MGRN1: variants seen among roughly 807,000 people sequenced by gnomAD.
MGRN1 encodes mahogunin ring finger 1, also known as E3 ubiquitin-protein ligase MGRN1.
In MGRN1, 29 loss-of-function variants were observed where a neutral mutation model predicts 69.2. The ratio of observed to expected loss-of-function variants is 0.42; its 90% CI spans 0.31 to 0.57. MGRN1 has a LOEUF of 0.57. Ranked by LOEUF, MGRN1 falls within the 20% of genes least tolerant of loss-of-function variation. The pLI, the probability that MGRN1 is intolerant of heterozygous loss-of-function variation, is 0.15. For synonymous variants in MGRN1, 470 were observed against 344.2 expected (o/e 1.37, Z -4.04); for missense variants, 998 against 796.2 (o/e 1.25, Z -3.05).
At chr16:4,634,290 C>G (rs1898164297) in intron 1 of MGRN1, 1 of 152,666 alleles carries the variant, frequency 6.6e-6, no homozygotes, top group South Asian at 2.1e-4. Context: ...CTCGCCCAGC[C>G]CAGCCCAGCT....
intron 1 of MGRN1, among the ~76,000 whole-genome samples, chr16:4,639,528 A>G (rs1198565937): frequency 6.6e-6 from 1 of 152,208 alleles, no homozygotes; most frequent in Admixed American, 6.5e-5. Context: ...TGGGCTACCT[A>G]GGATGGAACA....
intron 5 of MGRN1, among the ~76,000 whole-genome samples, chr16:4,659,578 C>A (rs535716327): frequency 1.2e-4 from 18 of 152,346 alleles, no homozygotes; most frequent in African/African-American, 4.3e-4. Context: ...ACTGGACCCG[C>A]CAGGGGGCCT....
intron 1 of MGRN1, among the ~76,000 whole-genome samples, chr16:4,641,308 C>T (rs968708037): frequency 3.2e-4 from 48 of 152,184 alleles, no homozygotes; most frequent in African/African-American, 1.1e-3. Context: ...CGTGTTTCTT[C>T]TCCATGTGTG....
At chr16:4,676,154 T>C (rs532385958) in intron 10 of MGRN1, among the ~76,000 whole-genome samples, 21 of 152,224 alleles carry the variant, frequency 1.4e-4, no homozygotes, top group African/African-American at 4.8e-4. Flanking sequence ...CAGGAGTAAG[T>C]GAAGAGGCTG....
intron 10 of MGRN1, among the ~76,000 whole-genome samples, chr16:4,674,716 C>T (rs1043665219): frequency 6.6e-5 from 9 of 136,816 alleles, no homozygotes; most frequent in Non-Finnish European, 1.4e-4. Flanking sequence ...TCTCGGCTCA[C>T]TGCAAGCTCC....
At chr16:4,654,980 A>G (rs2078499221) in intron 4 of MGRN1, among the ~76,000 whole-genome samples, 1 of 152,194 alleles carries the variant, frequency 6.6e-6, no homozygotes, top group Non-Finnish European at 1.5e-5. Context: ...TAATGACACT[A>G]GTAATGCATG....
intron 13 of MGRN1, among the ~76,000 whole-genome samples, 179 bp downstream of exon 13, chr16:4,681,955 G>C (rs776243922): frequency 6.6e-5 from 10 of 152,272 alleles, no homozygotes; most frequent in African/African-American, 1.7e-4. Context: ...AAAGAACGCA[G>C]CAGACGAGGC....
chr16:4,641,944 C>G (rs921570495), intron 1 of MGRN1, among the ~76,000 whole-genome samples: 1 of 152,040 alleles, frequency 6.6e-6, no homozygotes, highest in East Asian at 1.9e-4. Flanking sequence ...CGTGAGCCCC[C>G]TCGGCTGGCC....
chr16:4,682,670 C>T (rs1299303196), intron 13 of MGRN1, among the ~76,000 whole-genome samples, 153 bp from the exon 14 acceptor site: 1 of 152,216 alleles, frequency 6.6e-6, no homozygotes, highest in Non-Finnish European at 1.5e-5. Flanking sequence ...GGGTTGGTCC[C>T]GGTGGCTGGT....
At chr16:4,664,965 C>A (rs987113941) in intron 6 of MGRN1, 137 bp from the exon 7 acceptor site, 1 of 1,190,248 alleles carries the variant, frequency 8.4e-7, no homozygotes, top group Non-Finnish European at 1.2e-6. Flanking sequence ...AGGGCAGGTC[C>A]CAGAACAGGC....
chr16:4,653,438 C>T (rs954217439), intron 4 of MGRN1, among the ~76,000 whole-genome samples: 14 of 152,312 alleles, frequency 9.2e-5, no homozygotes, highest in Admixed American at 9.2e-4. Flanking sequence ...CCTGTCCCCT[C>T]CCTGGAGGAT....
chr16:4,668,785 C>G (rs375042695), intron 8 of MGRN1, among the ~76,000 whole-genome samples: 2 of 151,698 alleles, frequency 1.3e-5, no homozygotes, highest in African/African-American at 4.9e-5. Context: ...GACATTCATA[C>G]ACATATACAC....
At chr16:4,682,787 C>T (rs188985566) in intron 13 of MGRN1, 36 bp from the exon 14 acceptor site, 10 of 1,497,564 alleles carry the variant, frequency 6.7e-6, no homozygotes, top group East Asian at 4.8e-5. Context: ...TTGTCGTTAT[C>T]CTCTCACCCC....
At position 4,646,586 on chromosome 16, in the gene MGRN1, C is replaced by G. The variant is rs1481519630; in HGVS notation, c.89-3779C>G. 2.0e-5 allele frequency among the ~76,000 whole-genome samples: 3 copies of G among 152,128 alleles called. No individual in the cohort carries two copies. The South Asian group carries it at 6.2e-4, about 32-fold the overall frequency. On this transcript the variant is annotated intron_variant, in intron 1 of 16. Transcript: ENST00000262370. The stretch of plus-strand genomic sequence containing the variant: ...CTCCATGGGGCTGCTTGGGTGTCCT[C>G]ACAGCATGGTGGCAGCTTCCCCCAG...
At chr16:4,655,177 G>T (rs1372222037) in intron 4 of MGRN1, among the ~76,000 whole-genome samples, 1 of 152,162 alleles carries the variant, frequency 6.6e-6, no homozygotes, top group Non-Finnish European at 1.5e-5. Context: ...GGTGTCCAGG[G>T]GCTGCCACAG....
intron 5 of MGRN1, among the ~76,000 whole-genome samples, chr16:4,658,466 G>A (rs921941572): frequency 1.3e-5 from 2 of 151,770 alleles, no homozygotes; most frequent in African/African-American, 2.4e-5. Flanking sequence ...AATCCAGGAG[G>A]TGGAGCTTGC....
intron 1 of MGRN1, among the ~76,000 whole-genome samples, chr16:4,642,899 A>G (rs1045983722): frequency 4.0e-5 from 6 of 149,652 alleles, no homozygotes; most frequent in African/African-American, 1.2e-4. Context: ...TGATCCTTCC[A>G]CCTCAGCCTC....
At position 4,677,966 on chromosome 16, in the gene MGRN1, G is replaced by A. The variant is rs1203365194; in HGVS notation, c.1065+394G>A. Among the ~76,000 whole-genome samples the A allele has an allele frequency of 4.0e-5, 6 of 151,614 alleles. No homozygotes were observed. In the East Asian group the frequency reaches 1.2e-3, roughly 30 times the overall value. Reference sequence around the variant, plus strand: ...CGCCTCAAGCAATTCCCCCATTTCAGCCTCCCAAGACGCTGTGACCACGGG... The same window carrying A: ...CGCCTCAAGCAATTCCCCCATTTCAACCTCCCAAGACGCTGTGACCACGGG... On this transcript the variant is annotated intron_variant, in intron 11 of 16. Coordinates refer to ENST00000262370, the MANE Select transcript of MGRN1 (RefSeq NM_015246.4).
At chr16:4,652,192 C>A in intron 3 of MGRN1, 141 bp downstream of exon 3, 2 of 761,546 alleles carry the variant, frequency 2.6e-6, no homozygotes, top group South Asian at 1.7e-5. Context: ...GAGAGGCTGT[C>A]CTGGGCTGAG....
Sources: allele counts gnomAD v4.1 joint callset (sites outside exome capture counted in the v4.1 genomes callset), GRCh38; gene constraint gnomAD v4.1.1; transcripts MANE v1.5; gene names NCBI Gene and HGNC (gene_info 2026-07-23, HGNC 2026-07-21).